Variants in GABRR3 observed in about 807,000 individuals in gnomAD.
GABRR3 encodes gamma-aminobutyric acid type A receptor subunit rho3.
A neutral mutation model predicts 43.2 loss-of-function variants in GABRR3; 29 were observed. That is an observed-to-expected ratio of 0.67 (90% CI 0.50 to 0.92). GABRR3 has a LOEUF of 0.92. GABRR3 is among the 40% of genes least tolerant of loss of function. The pLI, the probability that GABRR3 is intolerant of heterozygous loss-of-function variation, is 0.00. For missense variants in GABRR3, 576 were observed against 572.3 expected (o/e 1.01, Z -0.07); for synonymous variants, 206 against 195.9 (o/e 1.05, Z -0.43).
intron 6 of GABRR3, 104 bp downstream of exon 6, chr3:98,008,852 A>T: frequency 2.1e-6 from 1 of 477,466 alleles, no homozygotes; most frequent in Non-Finnish European, 3.6e-6. Context: ...GGATAAATAT[A>T]TCAGTATTTT....
At chr3:98,007,699 G>T in intron 7 of GABRR3, 65 bp downstream of exon 7, 1 of 1,565,810 alleles carries the variant, frequency 6.4e-7, no homozygotes, top group Non-Finnish European at 8.8e-7. Flanking sequence ...TTCGCATGTT[G>T]TGGTGCTTTG....
intron 3 of GABRR3, among the ~76,000 whole-genome samples, chr3:98,020,672 G>A (rs1416174002): frequency 1.3e-5 from 2 of 151,856 alleles, no homozygotes; most frequent in East Asian, 1.9e-4. Flanking sequence ...GGAGCCTAAA[G>A]GTTGTTTGAA....
chr3:98,025,499 T>C (rs2107249053), intron 3 of GABRR3, 68 bp downstream of exon 3: 1 of 1,090,640 alleles, frequency 9.2e-7, no homozygotes, highest in South Asian at 1.7e-5. Context: ...TGGTCTTGTT[T>C]TAAATTTTCA....
chr3:97,992,804 T>C, intron 9 of GABRR3, 48 bp downstream of exon 9: 7 of 1,514,762 alleles, frequency 4.6e-6, no homozygotes, highest in Non-Finnish European at 5.4e-6. Context: ...ATAAGGGTAG[T>C]CTTTTCCACA....
At chr3:97,986,734 G>A in exon 10 of GABRR3, 1 of 1,584,696 alleles carries the variant, frequency 6.3e-7, no homozygotes, top group Non-Finnish European at 8.6e-7. Context: ...ACACAATGGG[G>A]AATAAAATCC....
Position 97,987,067 on chromosome 3 carries a change from T to C in GABRR3, c.1105-85A>G, listed in dbSNP as rs896686285. On this transcript the variant is annotated intron_variant, in intron 9 of 9. Coordinates refer to ENST00000621172, the Ensembl canonical transcript of GABRR3. ...GGTAAATAATGTTAATAAAGTTAAA[T>C]ATGATTTATCAGAACAGCAAGATAG... 1.2e-5 allele frequency: 12 copies of C among 974,962 alleles called. No homozygotes were observed. In the African/African-American group the frequency reaches 2.0e-4, roughly 16 times the overall value. 60.4% of individuals were successfully genotyped at this position (974,962 alleles called of 1,614,324 possible). A position where few individuals can be genotyped will look rare whatever the true frequency, so the allele number is the denominator to read the frequency against.
At chr3:98,026,796 T>C (rs184439670) in intron 2 of GABRR3, among the ~76,000 whole-genome samples, 37 of 152,284 alleles carry the variant, frequency 2.4e-4, no homozygotes, top group Admixed American at 4.6e-4. Context: ...GACATGTAGG[T>C]GAACTTTCTT....
chr3:98,021,028 AT>A (rs571908262), intron 3 of GABRR3, among the ~76,000 whole-genome samples: 6 of 147,978 alleles, frequency 4.1e-5, no homozygotes, highest in South Asian at 2.1e-4. Context: ...CCCCTGGATA[AT>A]TTTTTTTTTA....
intron 5 of GABRR3, among the ~76,000 whole-genome samples, chr3:98,011,608 AT>A (rs74427121): frequency 0.013 from 1,950 of 151,558 alleles, 42 homozygotes; most frequent in African/African-American, 0.045. Flanking sequence ...GTCTGCAAGG[AT>A]TTTTTTTTCT....
intron 8 of GABRR3, among the ~76,000 whole-genome samples, chr3:97,995,507 T>A (rs992402600): frequency 1.3e-5 from 2 of 152,110 alleles, no homozygotes; most frequent in Admixed American, 6.5e-5. Context: ...AAACTATTAA[T>A]CATTTTCTTT....
intron 5 of GABRR3, 37 bp downstream of exon 5, chr3:98,012,307 T>C (rs1175290955): frequency 4.6e-6 from 7 of 1,516,020 alleles, no homozygotes; most frequent in Admixed American, 3.4e-5. Flanking sequence ...ATGGCTGCAG[T>C]ACAGGGAAGC....
intron 9 of GABRR3, among the ~76,000 whole-genome samples, chr3:97,988,252 A>C (rs1160104763): frequency 6.6e-6 from 1 of 151,958 alleles, no homozygotes; most frequent in Non-Finnish European, 1.5e-5. Context: ...ATTTTATTTT[A>C]TTTTTAGTAG....
At chr3:98,003,050 T>C (rs1363276056) in intron 7 of GABRR3, among the ~76,000 whole-genome samples, 1 of 152,202 alleles carries the variant, frequency 6.6e-6, no homozygotes, top group African/African-American at 2.4e-5. Context: ...AGTTTATATA[T>C]GTTCAGGAAT....
chr3:98,008,798 C>CAAAAAAAAAAAAA (rs57502092), intron 6 of GABRR3, 158 bp downstream of exon 6: 2 of 113,820 alleles, frequency 1.8e-5, no homozygotes, highest in Non-Finnish European at 1.8e-5. Context: ...AAACAGAAAC[C>CAAAAAAAAAAAAA]AAAAAAAAAA....
At chr3:98,025,531 G>A (rs374734022) in intron 3 of GABRR3, 36 bp downstream of exon 3, 2 of 1,411,016 alleles carry the variant, frequency 1.4e-6, no homozygotes. Flanking sequence ...ACAGTGCAAT[G>A]GGTTTTGAAA....
intron 5 of GABRR3, 132 bp downstream of exon 5, chr3:98,012,212 G>A: frequency 3.0e-6 from 2 of 671,058 alleles, no homozygotes; most frequent in Non-Finnish European, 5.1e-6. Context: ...CACATCTTAT[G>A]CTTGTGTCCC....
intron 3 of GABRR3, among the ~76,000 whole-genome samples, chr3:98,018,985 T>C (rs1016491370): frequency 5.3e-5 from 8 of 151,920 alleles, no homozygotes; most frequent in African/African-American, 1.9e-4. Context: ...TGGTGTGTGC[T>C]TGTAATTCCA....
At chr3:98,032,520 C>A (rs555539352) in intron 2 of GABRR3, among the ~76,000 whole-genome samples, 7 of 152,242 alleles carry the variant, frequency 4.6e-5, no homozygotes, top group African/African-American at 1.7e-4. Flanking sequence ...TTTGCTTAAT[C>A]CTCTTTGCAT....
intron 7 of GABRR3, among the ~76,000 whole-genome samples, chr3:98,007,259 G>C (rs1706733109): frequency 6.6e-6 from 1 of 152,012 alleles, no homozygotes; most frequent in Non-Finnish European, 1.5e-5. Context: ...AAGGGCATGA[G>C]AATATTGGGG....
Sources: gnomAD v4.1 joint callset for allele counts (sites outside exome capture counted in the v4.1 genomes callset) on GRCh38, gnomAD v4.1.1 for gene constraint, MANE v1.5 for transcripts, NCBI Gene and HGNC (gene_info 2026-07-23, HGNC 2026-07-21) for gene names.